Variants in SLC24A3 observed in about 807,000 individuals in gnomAD.
SLC24A3 encodes the protein sodium/potassium/calcium exchanger 3.
SLC24A3 carries 28 observed loss-of-function variants against 75.8 expected under a neutral mutation model. The ratio of observed to expected loss-of-function variants is 0.37; its 90% confidence interval spans 0.27 to 0.51. The LOEUF (loss-of-function observed/expected upper bound fraction) is 0.51. SLC24A3 is among the 20% of genes least tolerant of loss of function. SLC24A3 has a pLI of 0.94. For synonymous variants in SLC24A3, 372 were observed against 334.1 expected, an observed-to-expected ratio of 1.11 and a Z score of -1.24; for missense variants, 663 against 847.8, an observed-to-expected ratio of 0.78 and a Z score of 2.71.
intron 3 of SLC24A3, among the ~76,000 whole-genome samples, chr20:19,547,662 G>A (rs2030623370): frequency 6.6e-6 from 1 of 152,232 alleles, no homozygotes; most frequent in East Asian, 1.9e-4. Flanking sequence ...TGCACTATCA[G>A]CAGAAGCTGA....
intron 2 of SLC24A3, among the ~76,000 whole-genome samples, chr20:19,455,039 G>A (rs1987555228): frequency 6.6e-6 from 1 of 151,994 alleles, no homozygotes; most frequent in Admixed American, 6.6e-5. Context: ...TATCAGCAAG[G>A]CAGACTTTTA....
At chr20:19,546,804 C>T (rs2030603929) in intron 3 of SLC24A3, among the ~76,000 whole-genome samples, 1 of 152,136 alleles carries the variant, frequency 6.6e-6, no homozygotes, top group South Asian at 2.1e-4. Context: ...CCAGGAGGGG[C>T]AGCTCTGGTG....
chr20:19,289,819 T>C (rs1461156156), intron 2 of SLC24A3, among the ~76,000 whole-genome samples: 1 of 152,212 alleles, frequency 6.6e-6, no homozygotes, highest in East Asian at 1.9e-4. Flanking sequence ...CTTACTGAGA[T>C]TGTTACACAG....
chr20:19,507,499 C>G (rs911636925), intron 2 of SLC24A3, among the ~76,000 whole-genome samples: 2 of 152,234 alleles, frequency 1.3e-5, no homozygotes, highest in African/African-American at 4.8e-5. Context: ...GTATCAGTCA[C>G]TCAGGGATCC....
At chr20:19,614,614 G>C (rs1445543211) in intron 6 of SLC24A3, among the ~76,000 whole-genome samples, 1 of 152,244 alleles carries the variant, frequency 6.6e-6, no homozygotes, top group Admixed American at 6.5e-5. Context: ...CACTGGAAGA[G>C]CAAGTGCCAT....
At chr20:19,509,208 G>A (rs948912598) in intron 2 of SLC24A3, among the ~76,000 whole-genome samples, 4 of 152,210 alleles carry the variant, frequency 2.6e-5, no homozygotes, top group Non-Finnish European at 4.4e-5. Flanking sequence ...CACAGAAGGA[G>A]ATCTGGACCC....
At chr20:19,680,202 G>A (rs2032597917) in intron 9 of SLC24A3, among the ~76,000 whole-genome samples, 1 of 150,774 alleles carries the variant, frequency 6.6e-6, no homozygotes, top group African/African-American at 2.5e-5. Flanking sequence ...GTGTGTGTGT[G>A]TGCATTTTCC....
At chr20:19,663,907 A>G (rs2032368260) in intron 7 of SLC24A3, among the ~76,000 whole-genome samples, 2 of 152,196 alleles carry the variant, frequency 1.3e-5, no homozygotes, top group South Asian at 4.1e-4. Context: ...GCAGACAGGA[A>G]GAGTACTTTC....
intron 6 of SLC24A3, among the ~76,000 whole-genome samples, chr20:19,652,046 T>TG (rs112139795): frequency 0.65 from 98,009 of 151,882 alleles, 32,521 homozygotes; most frequent in African/African-American, 0.77. Flanking sequence ...GAAGGAGGCT[T>TG]GAGATTAAAT....
intron 2 of SLC24A3, among the ~76,000 whole-genome samples, chr20:19,387,376 G>A (rs1986289816): frequency 6.6e-6 from 1 of 150,758 alleles, no homozygotes; most frequent in South Asian, 2.1e-4. Flanking sequence ...GCTGACTTTG[G>A]GCTTCATTCT....
At chr20:19,651,398 C>CAT (rs2032200981) in intron 6 of SLC24A3, among the ~76,000 whole-genome samples, 1 of 142,300 alleles carries the variant, frequency 7.0e-6, no homozygotes, top group Admixed American at 7.0e-5. Context: ...TATATATACA[C>CAT]ACATATATAT....
intron 1 of SLC24A3, among the ~76,000 whole-genome samples, chr20:19,274,625 AC>A (rs146972637): frequency 0.12 from 18,928 of 151,876 alleles, 1,364 homozygotes; most frequent in Non-Finnish European, 0.16. Context: ...CAGCTGGAAA[AC>A]CCATGAGAAA....
At chr20:19,369,976 C>T (rs1056009808) in intron 2 of SLC24A3, among the ~76,000 whole-genome samples, 3 of 152,236 alleles carry the variant, frequency 2.0e-5, no homozygotes, top group Middle Eastern at 3.4e-3. Flanking sequence ...CTGAAATGTT[C>T]TGTATCTTGA....
At chr20:19,277,560 C>A (rs1983523531) in intron 1 of SLC24A3, among the ~76,000 whole-genome samples, 1 of 152,176 alleles carries the variant, frequency 6.6e-6, no homozygotes, top group South Asian at 2.1e-4. Context: ...GAAATGGATG[C>A]AATGCATTGC....
intron 1 of SLC24A3, among the ~76,000 whole-genome samples, chr20:19,272,477 T>G (rs1400829116): frequency 6.6e-6 from 1 of 152,176 alleles, no homozygotes; most frequent in Non-Finnish European, 1.5e-5. Context: ...AAATGCAGAT[T>G]CTGATGCAGC....
chr20:19,249,194 A>G (rs1982579139), intron 1 of SLC24A3, among the ~76,000 whole-genome samples: 1 of 152,158 alleles, frequency 6.6e-6, no homozygotes, highest in Non-Finnish European at 1.5e-5. Flanking sequence ...TATAATTTTG[A>G]GAACCAAAGT....
rs117329901 is a variant in SLC24A3, at chr20:19,458,488, C to T, written c.272-57000C>T. ...TGTCTCCAGAATCCTTTTCATCTTGCAAAACTGAAACTCATCAAACAACAT... is the reference window on the plus strand; with the variant it reads ...TGTCTCCAGAATCCTTTTCATCTTGTAAAACTGAAACTCATCAAACAACAT... On this transcript the variant is annotated intron_variant, in intron 2 of 16. Transcript: ENST00000328041. Among the ~76,000 whole-genome samples, 987 of 152,282 alleles carry T rather than the reference C, an allele frequency of 6.5e-3. 5 individuals are homozygous for T. Among genetic ancestry groups the T allele is most frequent in the Non-Finnish European group, 0.011 (765 of 68,016 alleles).
intron 2 of SLC24A3, among the ~76,000 whole-genome samples, chr20:19,299,480 T>G: frequency 6.6e-6 from 1 of 152,116 alleles, no homozygotes; most frequent in Non-Finnish European, 1.5e-5. Flanking sequence ...TCAAAACAGG[T>G]CAAATTTTTT....
At chr20:19,365,022 T>C (rs1055874031) in intron 2 of SLC24A3, among the ~76,000 whole-genome samples, 1 of 151,866 alleles carries the variant, frequency 6.6e-6, no homozygotes, top group Non-Finnish European at 1.5e-5. Flanking sequence ...CCAAGAACCT[T>C]GTGCACATCA....
Sources: gnomAD v4.1 joint callset for allele counts (sites outside exome capture counted in the v4.1 genomes callset) on GRCh38, gnomAD v4.1.1 for gene constraint, MANE v1.5 for transcripts, NCBI Gene and HGNC (gene_info 2026-07-23, HGNC 2026-07-21) for gene names.